Variants in RORA observed in about 807,000 individuals in gnomAD.
RORA encodes RAR related orphan receptor A, also known as nuclear receptor ROR-alpha.
In RORA, 7 loss-of-function variants were observed where a neutral mutation model predicts 69.5. The ratio of observed to expected loss-of-function variants is 0.10; its 90% CI spans 0.06 to 0.19. RORA has a LOEUF of 0.19. Among genes scored for constraint, RORA ranks in the 10% least tolerant of loss-of-function variants. RORA has a pLI of 1.00. For synonymous variants in RORA, 261 were observed against 240.8 expected (o/e 1.08, Z -0.78); for missense variants, 457 against 663.0 (o/e 0.69, Z 3.41).
intron 2 of RORA, among the ~76,000 whole-genome samples, chr15:60,617,659 CAGAGAGAGAGAGAG>C (rs10594406): frequency 1.8e-4 from 26 of 141,558 alleles, no homozygotes; most frequent in African/African-American, 5.9e-4. Context: ...CACATACAGA[CAGAGAGAGAGAGAG>C]AGAGAGAGAG....
chr15:60,502,901 G>A (rs1281727505), intron 7 of RORA, 34 bp from the exon 8 acceptor site: 1 of 1,379,424 alleles, frequency 7.2e-7, no homozygotes, highest in Admixed American at 1.7e-5. Flanking sequence ...GGGTCATTTG[G>A]GTCATCTGAT....
intron 1 of RORA, among the ~76,000 whole-genome samples, chr15:60,898,604 C>A (rs752568827): frequency 6.6e-6 from 1 of 151,832 alleles, no homozygotes; most frequent in Non-Finnish European, 1.5e-5. Context: ...GAGGCTGAGG[C>A]GGGAAGATCA....
At chr15:61,015,483 ATGT>A (rs1895248070) in intron 1 of RORA, among the ~76,000 whole-genome samples, 1 of 152,120 alleles carries the variant, frequency 6.6e-6, no homozygotes, top group African/African-American at 2.4e-5. Flanking sequence ...ACAAAAAAAA[ATGT>A]TTGGAAGAAA....
intron 1 of RORA, among the ~76,000 whole-genome samples, chr15:60,872,351 G>A (rs1016058816): frequency 2.0e-5 from 3 of 152,150 alleles, no homozygotes; most frequent in African/African-American, 4.8e-5. Flanking sequence ...TGAGCAAGAC[G>A]TTGGGTATCT....
rs377353597 is a variant in RORA, at chr15:60,784,964, C to T, written c.167-106278G>A. 5.3e-5 allele frequency among the ~76,000 whole-genome samples: 8 copies of T among 152,098 alleles called. No homozygotes were observed. The East Asian group carries it at 5.8e-4, about 11-fold the overall frequency. On this transcript the variant is annotated intron_variant, in intron 1 of 10. Transcript: ENST00000335670. Reference sequence around the variant, plus strand: ...GATGTCACCCCTGTCCCAGCCCTGGCGAGAGGAAATTACAAAGCAAAAAGC... The same window carrying T: ...GATGTCACCCCTGTCCCAGCCCTGGTGAGAGGAAATTACAAAGCAAAAAGC...
chr15:61,016,394 C>T (rs1215414441), intron 1 of RORA, among the ~76,000 whole-genome samples: 1 of 152,164 alleles, frequency 6.6e-6, no homozygotes, highest in Admixed American at 6.5e-5. Flanking sequence ...AGAAAATGGT[C>T]TCCCAGGATA....
intron 1 of RORA, among the ~76,000 whole-genome samples, chr15:60,747,680 G>A (rs146286630): frequency 2.3e-3 from 353 of 152,194 alleles, no homozygotes; most frequent in African/African-American, 7.8e-3. Flanking sequence ...GTTTTGAGAT[G>A]CACAGTATGT....
At chr15:60,576,299 C>G (rs953139498) in intron 2 of RORA, among the ~76,000 whole-genome samples, 2 of 152,202 alleles carry the variant, frequency 1.3e-5, no homozygotes, top group African/African-American at 4.8e-5. Context: ...CAACTTCTCT[C>G]TTAGTTATAA....
At chr15:60,943,193 T>G (rs896457682) in intron 1 of RORA, among the ~76,000 whole-genome samples, 1 of 152,244 alleles carries the variant, frequency 6.6e-6, no homozygotes, top group African/African-American at 2.4e-5. Flanking sequence ...AAGGTGACTT[T>G]GCTAGGATGC....
chr15:60,528,917 A>T (rs1442428757), intron 3 of RORA: 1 of 152,210 alleles, frequency 6.6e-6, no homozygotes, highest in East Asian at 1.9e-4. Context: ...CTGGTTCCAG[A>T]GTCAGAGCAG....
At chr15:60,702,757 C>A (rs1006892376) in intron 1 of RORA, among the ~76,000 whole-genome samples, 4 of 152,196 alleles carry the variant, frequency 2.6e-5, no homozygotes, top group African/African-American at 9.7e-5. Context: ...AGATTACTGG[C>A]ATGAGATTTT....
At chr15:60,677,244 C>T in intron 2 of RORA, 1 of 455,024 alleles carries the variant, frequency 2.2e-6, no homozygotes, top group South Asian at 1.5e-5. Context: ...TGCGGATATA[C>T]AGAGGACTTC....
At chr15:60,735,436 A>C (rs1395251344) in intron 1 of RORA, among the ~76,000 whole-genome samples, 1 of 152,184 alleles carries the variant, frequency 6.6e-6, no homozygotes, top group Non-Finnish European at 1.5e-5. Context: ...GTACCTGGGA[A>C]AGCATATGAC....
intron 1 of RORA, among the ~76,000 whole-genome samples, chr15:61,168,169 T>A (rs944807686): frequency 1.3e-5 from 2 of 150,782 alleles, no homozygotes; most frequent in African/African-American, 4.9e-5. Context: ...TACATATATA[T>A]GTAAATCATT....
chr15:60,616,095 A>G (rs1237338566), intron 2 of RORA, among the ~76,000 whole-genome samples: 1 of 152,232 alleles, frequency 6.6e-6, no homozygotes, highest in Non-Finnish European at 1.5e-5. Context: ...TTGTCCACAT[A>G]TATACACTCA....
chr15:61,126,474 A>G (rs1395832015), intron 1 of RORA, among the ~76,000 whole-genome samples: 2 of 152,212 alleles, frequency 1.3e-5, no homozygotes, highest in Non-Finnish European at 2.9e-5. Flanking sequence ...CCTAACTAAA[A>G]TTCTATACCC....
intron 1 of RORA, among the ~76,000 whole-genome samples, chr15:60,757,342 C>A (rs570821630): frequency 8.5e-4 from 130 of 152,260 alleles, no homozygotes; most frequent in African/African-American, 3.0e-3. Flanking sequence ...ACACAGCCAG[C>A]CAACCAGCTA....
chr15:60,640,907 C>G (rs1378903853), intron 2 of RORA, among the ~76,000 whole-genome samples: 1 of 152,124 alleles, frequency 6.6e-6, no homozygotes, highest in East Asian at 1.9e-4. Flanking sequence ...TCTGTTTTCC[C>G]CCATGAGAAT....
At chr15:60,742,716 G>C (rs767094500) in intron 1 of RORA, among the ~76,000 whole-genome samples, 10 of 152,102 alleles carry the variant, frequency 6.6e-5, no homozygotes, top group Non-Finnish European at 8.8e-5. Flanking sequence ...ACATATAAGT[G>C]AGATCATGTA....
Sources: allele counts gnomAD v4.1 joint callset (sites outside exome capture counted in the v4.1 genomes callset), GRCh38; gene constraint gnomAD v4.1.1; transcripts MANE v1.5; gene names NCBI Gene and HGNC (gene_info 2026-07-23, HGNC 2026-07-21).